SPOCK1: variants seen among roughly 807,000 people sequenced by gnomAD.
SPOCK1 encodes the protein SPARC (osteonectin), cwcv and kazal like domains proteoglycan 1.
Under a neutral mutation model 55.3 loss-of-function variants are expected in SPOCK1, and 23 were observed. The observed-to-expected ratio is 0.42, with a 90% CI of 0.30 to 0.59. SPOCK1 has a LOEUF of 0.59. SPOCK1 is among the 20% of genes least tolerant of loss of function. The pLI is 0.22. For missense variants in SPOCK1, 499 were observed against 552.5 expected, an observed-to-expected ratio of 0.90 and a Z score of 0.97; for synonymous variants, 226 against 221.0, an observed-to-expected ratio of 1.02 and a Z score of -0.20.
chr5:137,171,597 C>T (rs1754755624), intron 3 of SPOCK1, among the ~76,000 whole-genome samples: 1 of 151,994 alleles, frequency 6.6e-6, no homozygotes, highest in Admixed American at 6.6e-5. Flanking sequence ...TAGATATCTT[C>T]AATTTATTCT....
intron 3 of SPOCK1, among the ~76,000 whole-genome samples, chr5:137,158,299 C>T (rs139261493): frequency 2.0e-5 from 3 of 152,306 alleles, no homozygotes; most frequent in Non-Finnish European, 4.4e-5. Flanking sequence ...TTTTGGCCTC[C>T]CCTTAGTCCT....
intron 2 of SPOCK1, among the ~76,000 whole-genome samples, chr5:137,412,513 G>T (rs1242733896): frequency 6.6e-6 from 1 of 152,172 alleles, no homozygotes; most frequent in African/African-American, 2.4e-5. Flanking sequence ...CTTTGGTTTA[G>T]GGAGGGACAC....
intron 3 of SPOCK1, among the ~76,000 whole-genome samples, chr5:137,238,811 C>T (rs1249251022): frequency 1.3e-5 from 2 of 152,146 alleles, no homozygotes; most frequent in East Asian, 1.9e-4. Context: ...GGGGGCAACA[C>T]TAAAATACAT....
chr5:137,026,784 C>T (rs2126983332), intron 6 of SPOCK1, among the ~76,000 whole-genome samples: 1 of 152,294 alleles, frequency 6.6e-6, no homozygotes, highest in East Asian at 1.9e-4. Flanking sequence ...GGGCCAAGGA[C>T]CTCCACAACA....
chr5:137,167,721 G>A (rs980042936), intron 3 of SPOCK1, among the ~76,000 whole-genome samples: 5 of 152,010 alleles, frequency 3.3e-5, no homozygotes, highest in African/African-American at 9.6e-5. Flanking sequence ...AATGACCAGT[G>A]GATCAGTGAA....
At position 137,497,630 on chromosome 5, in the gene SPOCK1, A is replaced by G. The variant is rs532540071; in HGVS notation, c.186+743T>C. On this transcript the variant is annotated intron_variant, in intron 2 of 10. Coordinates refer to ENST00000394945, the MANE Select transcript of SPOCK1 (RefSeq NM_004598.4). ...ACCTGGGGAGTGGCAGCCAGCCTTGAGGCAGAAACAGGCCGCAAGTGTGTT... is the reference window on the plus strand; with the variant it reads ...ACCTGGGGAGTGGCAGCCAGCCTTGGGGCAGAAACAGGCCGCAAGTGTGTT... Among the ~76,000 whole-genome samples, 5 of 152,270 alleles carry G rather than the reference A, an allele frequency of 3.3e-5. No individual in the cohort carries two copies. In the East Asian group the frequency reaches 9.7e-4, roughly 29 times the overall value.
intron 2 of SPOCK1, among the ~76,000 whole-genome samples, chr5:137,449,745 AAT>A (rs1398673827): frequency 6.6e-6 from 1 of 151,812 alleles, no homozygotes; most frequent in East Asian, 1.9e-4. Context: ...AATAAAATAA[AAT>A]AGCCAGGTGT....
intron 2 of SPOCK1, among the ~76,000 whole-genome samples, chr5:137,385,278 C>G (rs984431739): frequency 6.6e-6 from 1 of 152,072 alleles, no homozygotes; most frequent in Non-Finnish European, 1.5e-5. Context: ...TATAAAGGTC[C>G]GTGGTCTCAG....
intron 2 of SPOCK1, among the ~76,000 whole-genome samples, chr5:137,287,867 G>A (rs912104885): frequency 1.3e-5 from 2 of 152,280 alleles, no homozygotes; most frequent in African/African-American, 4.8e-5. Flanking sequence ...CATGGGGAGA[G>A]AAGCAATGGG....
intron 2 of SPOCK1, among the ~76,000 whole-genome samples, chr5:137,471,785 A>G (rs896902405): frequency 6.6e-6 from 1 of 152,270 alleles, no homozygotes; most frequent in Admixed American, 6.5e-5. Context: ...GCATCTCCCA[A>G]GAGCAGGAGG....
chr5:137,485,921 T>C (rs1178039920), intron 2 of SPOCK1, among the ~76,000 whole-genome samples: 9 of 152,212 alleles, frequency 5.9e-5, no homozygotes, highest in African/African-American at 2.2e-4. Context: ...TCTGGCTGTT[T>C]GGGTGTGTTC....
chr5:137,339,204 T>C (rs1165124734), intron 2 of SPOCK1, among the ~76,000 whole-genome samples: 1 of 152,230 alleles, frequency 6.6e-6, no homozygotes, highest in Admixed American at 6.5e-5. Context: ...TAGGTTCCTT[T>C]GGGAAACCAG....
chr5:137,353,378 T>TTCAA (rs890568474), intron 2 of SPOCK1, among the ~76,000 whole-genome samples: 10 of 152,026 alleles, frequency 6.6e-5, no homozygotes, highest in Admixed American at 2.6e-4. Context: ...AAAACCCTGA[T>TTCAA]TCAATCAATC....
Position 136,976,846 on chromosome 5 carries a change from T to C in SPOCK1, c.*1808A>G, listed in dbSNP as rs958329912. 6.6e-6 allele frequency: 1 copy of C among 152,248 alleles called. No homozygotes were observed. Among genetic ancestry groups the C allele is most frequent in the African/African-American group, 2.4e-5 (1 of 41,474 alleles). 9.4% of individuals were successfully genotyped at this position (152,248 alleles called of 1,614,324 possible). A position where few individuals can be genotyped will look rare whatever the true frequency, so the allele number is the denominator to read the frequency against. On this transcript the variant is annotated 3_prime_UTR_variant, in exon 11 of 11. Transcript: ENST00000394945. ...CTAAGACCAACTATAGGTATGATGCTACTGTATTCAGGCAATGCCGACTGG... is the reference window on the plus strand; with the variant it reads ...CTAAGACCAACTATAGGTATGATGCCACTGTATTCAGGCAATGCCGACTGG...
At chr5:137,464,829 G>A (rs971128307) in intron 2 of SPOCK1, among the ~76,000 whole-genome samples, 14 of 152,152 alleles carry the variant, frequency 9.2e-5, no homozygotes, top group African/African-American at 2.4e-4. Flanking sequence ...CTGGAGACAC[G>A]TATTGGAGTG....
chr5:137,109,207 T>C (rs1433962305), intron 5 of SPOCK1, among the ~76,000 whole-genome samples: 3 of 152,184 alleles, frequency 2.0e-5, no homozygotes, highest in Non-Finnish European at 2.9e-5. Flanking sequence ...GCTCCAGAGC[T>C]GGAAGGAATA....
chr5:137,138,920 G>A (rs567391825), intron 4 of SPOCK1, among the ~76,000 whole-genome samples: 12 of 152,130 alleles, frequency 7.9e-5, no homozygotes, highest in Non-Finnish European at 1.8e-4. Context: ...ATAAGCTTTG[G>A]AGGCAGACAA....
intron 2 of SPOCK1, among the ~76,000 whole-genome samples, chr5:137,317,177 A>G (rs979424446): frequency 5.3e-5 from 8 of 152,208 alleles, no homozygotes; most frequent in South Asian, 2.1e-4. Flanking sequence ...CTGGTCACCA[A>G]CTACAGCCCT....
chr5:137,140,255 G>A (rs1006875845), intron 4 of SPOCK1, among the ~76,000 whole-genome samples: 2 of 152,198 alleles, frequency 1.3e-5, no homozygotes, highest in African/African-American at 2.4e-5. Context: ...TTAGTTGTAA[G>A]TTTCCTGGGT....
Sources: gnomAD v4.1 joint callset for allele counts (sites outside exome capture counted in the v4.1 genomes callset) on GRCh38, gnomAD v4.1.1 for gene constraint, MANE v1.5 for transcripts, NCBI Gene and HGNC (gene_info 2026-07-23, HGNC 2026-07-21) for gene names.